The following FKBP2 variants were observed in gnomAD, a reference collection of about 807,000 sequenced individuals.
FKBP2 encodes FKBP prolyl isomerase 2.
Under a neutral mutation model 19.4 loss-of-function variants are expected in FKBP2, and 15 were observed. The observed-to-expected ratio is 0.77, with a 90% CI of 0.52 to 1.19. FKBP2 has a LOEUF of 1.19. Ranked by LOEUF, FKBP2 falls within the 50% of genes most tolerant of loss-of-function variation. The pLI, the probability that FKBP2 is intolerant of heterozygous loss-of-function variation, is 0.00. For synonymous variants in FKBP2, 76 were observed against 74.8 expected (o/e 1.02, Z -0.08); for missense variants, 170 against 179.0 (o/e 0.95, Z 0.29).
chr11:64,241,399 G>GCGGGGGGCGGAGCTAGGAGGGT (rs1358910491), intron 1 of FKBP2, among the ~76,000 whole-genome samples: 1 of 151,940 alleles, frequency 6.6e-6, no homozygotes, highest in Non-Finnish European at 1.5e-5. Context: ...GAGCCCGGCG[G>GCGGGGGGCGGAGCTAGGAGGGT]CGGGGGGCGG....
chr11:64,243,163 C>A, intron 2 of FKBP2, 36 bp from the exon 3 acceptor site: 1 of 1,590,096 alleles, frequency 6.3e-7, no homozygotes, highest in South Asian at 1.1e-5. Context: ...CAGGGGTGGT[C>A]CCCTCTTCCT....
intron 1 of FKBP2, among the ~76,000 whole-genome samples, chr11:64,241,482 G>A (rs1394308504): frequency 6.6e-6 from 1 of 152,030 alleles, no homozygotes; most frequent in African/African-American, 2.4e-5. Context: ...GGAGCCTCGG[G>A]GTCGGAAGCA....
intron 4 of FKBP2, 164 bp downstream of exon 4, chr11:64,243,661 G>A: frequency 8.6e-7 from 1 of 1,159,570 alleles, no homozygotes; most frequent in Non-Finnish European, 1.3e-6. Context: ...CAAGATCATT[G>A]AAGCACTCAG....
At chr11:64,243,644 T>C (rs903587170) in intron 4 of FKBP2, 147 bp downstream of exon 4, 1 of 1,208,386 alleles carries the variant, frequency 8.3e-7, no homozygotes, top group African/African-American at 1.5e-5. Flanking sequence ...TAGCAGTGAG[T>C]ACAGGGCAAG....
rs112445736 is a variant in FKBP2 at position 64,243,500 on chromosome 11, A to T, written c.331+3A>T. The stretch of plus-strand genomic sequence containing the variant: ...GCTGGTGATCCCATCCGAGCTAGGT[A>T]AGAGGCCCCTCCTGAGGGTGCAGAG... On this transcript the variant is annotated splice_donor_region_variant and intron_variant, in intron 4 of 5. Coordinates refer to ENST00000309366, the MANE Select transcript of FKBP2 (RefSeq NM_004470.4). 1 of 1,613,612 alleles carries T rather than the reference A, an allele frequency of 6.2e-7. No homozygotes were observed. The highest frequency in any genetic ancestry group is 1.3e-5 in the African/African-American group (1 of 75,040).
intron 2 of FKBP2, among the ~76,000 whole-genome samples, 165 bp downstream of exon 2, chr11:64,242,723 G>T (rs1276988499): frequency 6.6e-6 from 1 of 152,172 alleles, no homozygotes; most frequent in Non-Finnish European, 1.5e-5. Flanking sequence ...TACTGCCCAG[G>T]TGGGCACCAG....
rs893393745 is a variant in FKBP2, at chr11:64,244,110, CAAAA to C, written c.*85_*88del. 14 of 1,490,968 alleles carry C rather than the reference CAAAA, an allele frequency of 9.4e-6. No individual in the cohort carries two copies. The highest frequency in any genetic ancestry group is 2.3e-4 in the Middle Eastern group (1 of 4,428). The allele number at this position is 1,490,968 out of a possible 1,614,324, so 92.4% of individuals were successfully genotyped here. ...AAAAAAAACAAAAAACAAAAACAAA[CAAAA>C]AAACACTTAAAAGCCCAAGGAGTAA... is the stretch of plus-strand genomic sequence containing the variant. On this transcript the variant is annotated 3_prime_UTR_variant, in exon 6 of 6. Transcript: ENST00000309366.
At chr11:64,243,038 C>G (rs540631004) in intron 2 of FKBP2, among the ~76,000 whole-genome samples, 161 bp from the exon 3 acceptor site, 1 of 152,266 alleles carries the variant, frequency 6.6e-6, no homozygotes, top group African/African-American at 2.4e-5. Context: ...CGCCGCTGCA[C>G]TCCAGCCATG....
In FKBP2 at chr11:64,243,278, A is replaced by G; in HGVS notation, c.251A>G (p.Gln84Arg). Residue 84 changes from glutamine to arginine, a missense_variant, in exon 3 of 6, where the codon CAG becomes CGG. Gln to Arg is a conservative substitution (Grantham distance 43). Transcript: ENST00000309366. ...TTTGTCTTCTCCCTTGGCACAGGCC[A>G]GGTCATCAAGGGCTGGGACCAGGGG... ...QPFVFSLGTGQVIKGWDQGLL... is the reference protein window; with the variant it reads ...QPFVFSLGTGRVIKGWDQGLL... 6.2e-7 allele frequency: 1 copy of G among 1,610,396 alleles called. No individual in the cohort carries two copies. Among genetic ancestry groups the G allele is most frequent in the East Asian group, 2.2e-5 (1 of 44,856 alleles).
At chr11:64,243,682 C>T in intron 4 of FKBP2, 159 bp from the exon 5 acceptor site, 1 of 1,172,600 alleles carries the variant, frequency 8.5e-7, no homozygotes. Context: ...CTGTAGTGGC[C>T]CCACTCTGCC....
At chr11:64,242,187 C>T (rs1212500300) in intron 1 of FKBP2, 197 bp from the exon 2 acceptor site, 2 of 500,350 alleles carry the variant, frequency 4.0e-6, no homozygotes, top group Non-Finnish European at 3.4e-6. Context: ...CTGGGGTCCT[C>T]GGCCAAGCCC....
Position 64,244,100 on chromosome 11 carries a change from CA to C in FKBP2, c.*76del. On this transcript the variant is annotated 3_prime_UTR_variant, in exon 6 of 6. Coordinates refer to ENST00000309366, the MANE Select transcript of FKBP2 (RefSeq NM_004470.4). Reference sequence around the variant, plus strand: ...ACTGTTCCAAAAAAAAAACAAAAAACAAAAACAAACAAAAAAACACTTAAAA... The same window carrying C: ...ACTGTTCCAAAAAAAAAACAAAAAACAAAACAAACAAAAAAACACTTAAAA... The C allele has an allele frequency of 6.5e-7, 1 of 1,532,556 alleles. No individual in the cohort carries two copies. Among genetic ancestry groups the C allele is most frequent in the South Asian group, 1.2e-5 (1 of 86,534 alleles). 94.9% of individuals were successfully genotyped at this position (1,532,556 alleles called of 1,614,324 possible).
At chr11:64,242,646 T>TAGG in intron 2 of FKBP2, 88 bp downstream of exon 2, 2 of 1,404,362 alleles carry the variant, frequency 1.4e-6, no homozygotes, top group South Asian at 2.9e-5. Flanking sequence ...ATAAGCCAGG[T>TAGG]AGGTGACCTT....
intron 2 of FKBP2, among the ~76,000 whole-genome samples, 154 bp downstream of exon 2, chr11:64,242,712 C>T (rs1453854594): frequency 2.0e-5 from 3 of 152,204 alleles, no homozygotes. Flanking sequence ...TTGCCCTTGC[C>T]TACTGCCCAG....
Position 64,242,408 on chromosome 11 carries a change from G to A in FKBP2, c.21G>A (p.Arg7=). The change falls in exon 2 of 6, where the codon CGG becomes CGA. Residue 7 remains arginine, a synonymous_variant. Transcript: ENST00000309366. ...GAGACATGAGGCTGAGCTGGTTCCGGGTCCTGACAGTACTGTCCATCTGCC... is the reference window on the plus strand; with the variant it reads ...GAGACATGAGGCTGAGCTGGTTCCGAGTCCTGACAGTACTGTCCATCTGCC... MRLSWF[R]VLTVLSICLS... 6.5e-7 allele frequency: 1 copy of A among 1,548,180 alleles called. No individual in the cohort carries two copies. Among genetic ancestry groups the A allele is most frequent in the African/African-American group, 1.4e-5 (1 of 70,466 alleles).
Position 64,242,368 on chromosome 11 carries a change from G to A in FKBP2, c.-4-16G>A. 1 of 1,497,592 alleles carries A rather than the reference G, an allele frequency of 6.7e-7. No homozygotes were observed. Among genetic ancestry groups the A allele is most frequent in the South Asian group, 1.3e-5 (1 of 75,958 alleles). The allele number at this position is 1,497,592 out of a possible 1,614,324, so 92.8% of individuals were successfully genotyped here. On this transcript the variant is annotated splice_polypyrimidine_tract_variant and intron_variant, in intron 1 of 5. Coordinates refer to ENST00000309366, the MANE Select transcript of FKBP2 (RefSeq NM_004470.4). ...TCCCCCACGTTCAGTCGGTCGGTCG[G>A]GGTCTGTGCCCACAGAGACATGAGG...
intron 4 of FKBP2, 71 bp downstream of exon 4, chr11:64,243,568 G>A (rs2030696060): frequency 6.4e-7 from 1 of 1,569,008 alleles, no homozygotes; most frequent in Admixed American, 1.7e-5. Flanking sequence ...AGCTGCTTCA[G>A]CTTTTCATTG....
chr11:64,243,916 C>CCCACCT, intron 5 of FKBP2, 40 bp downstream of exon 5: 1 of 1,614,024 alleles, frequency 6.2e-7, no homozygotes, highest in Non-Finnish European at 8.5e-7. Flanking sequence ...CTGCAGCCAG[C>CCCACCT]CCACCTCCCT....
chr11:64,242,215 T>G, intron 1 of FKBP2, 169 bp from the exon 2 acceptor site: 3 of 577,036 alleles, frequency 5.2e-6, no homozygotes, highest in Non-Finnish European at 8.4e-6. Context: ...ACTGGACTGG[T>G]AAGTGTGGCC....
Sources: allele counts gnomAD v4.1 joint callset (sites outside exome capture counted in the v4.1 genomes callset), GRCh38; gene constraint gnomAD v4.1.1; transcripts MANE v1.5; gene names NCBI Gene and HGNC (gene_info 2026-07-23, HGNC 2026-07-21).